The following DAB1 variants were observed in gnomAD, a reference collection of about 807,000 sequenced individuals.
The protein encoded by DAB1 is disabled homolog 1.
A neutral mutation model predicts 64.6 loss-of-function variants in DAB1; 15 were observed. That is an observed-to-expected ratio of 0.23 (90% CI 0.16 to 0.36). The LOEUF is 0.36. Ranked by LOEUF, DAB1 falls within the 10% of genes least tolerant of loss-of-function variation. The probability of loss-of-function intolerance (pLI) is 1.00; values close to 1 mark genes in which losing one functional copy is unlikely to be tolerated. For missense variants in DAB1, 596 were observed against 706.7 expected, an observed-to-expected ratio of 0.84 and a Z score of 1.78; for synonymous variants, 235 against 251.9, an observed-to-expected ratio of 0.93 and a Z score of 0.64.
chr1:57,333,183 T>A (rs370294811), intron 1 of DAB1, among the ~76,000 whole-genome samples: 21 of 152,224 alleles, frequency 1.4e-4, no homozygotes, highest in Non-Finnish European at 4.4e-5. Flanking sequence ...GGCTGGAATG[T>A]AAGCCTCTTA....
rs1348514434 is a variant in DAB1, at chr1:58,211,196, A to G, written n.310-60608T>C. Among the ~76,000 whole-genome samples, 7 of 152,282 alleles carry G rather than the reference A, an allele frequency of 4.6e-5. No homozygotes were observed. In the East Asian group the frequency reaches 5.8e-4, roughly 13 times the overall value. The stretch of plus-strand genomic sequence containing the variant: ...TGTCTTAAGAGCCATCTCTACATCA[A>G]GATTTATCTTGAAAAAGAAATATCT... On this transcript the variant is annotated intron_variant and non_coding_transcript_variant, in intron 4 of 20. Coordinates refer to the DAB1 transcript ENST00000485760.
chr1:57,491,369 A>G (rs1340860408), intron 7 of DAB1, among the ~76,000 whole-genome samples: 1 of 152,160 alleles, frequency 6.6e-6, no homozygotes, highest in Non-Finnish European at 1.5e-5. Flanking sequence ...CGGAGCTTGC[A>G]GTGAGCCGAG....
At chr1:57,514,488 A>T (rs1644441977) in intron 7 of DAB1, among the ~76,000 whole-genome samples, 1 of 152,192 alleles carries the variant, frequency 6.6e-6, no homozygotes, top group African/African-American at 2.4e-5. Context: ...CTAAACTAGA[A>T]TGTAAGCTTC....
intron 6 of DAB1, among the ~76,000 whole-genome samples, chr1:57,665,849 CTGTG>C (rs397862533): frequency 0.087 from 11,900 of 137,088 alleles, 817 homozygotes; most frequent in African/African-American, 0.21. Flanking sequence ...TTTTAATTAT[CTGTG>C]TGTGTGTGTG....
rs77698191 is a variant in DAB1, at chr1:57,782,020, C to T, written n.551+101979G>A. Among the ~76,000 whole-genome samples the T allele has an allele frequency of 2.2e-3, 331 of 152,236 alleles. 1 individual carries two copies. Among genetic ancestry groups the T allele is most frequent in the African/African-American group, 7.2e-3 (298 of 41,548 alleles). Reference sequence around the variant, plus strand: ...AACATTAATTCACTAATTCTACACACGGCAAAGCAATGATAATTAAGCCTA... The same window carrying T: ...AACATTAATTCACTAATTCTACACATGGCAAAGCAATGATAATTAAGCCTA... On this transcript the variant is annotated intron_variant and non_coding_transcript_variant, in intron 6 of 20. Coordinates refer to the DAB1 transcript ENST00000485760.
intron 1 of DAB1, among the ~76,000 whole-genome samples, chr1:57,841,070 C>T (rs1019092995): frequency 1.3e-5 from 2 of 152,138 alleles, no homozygotes; most frequent in Non-Finnish European, 2.9e-5. Context: ...AATGGGGGTA[C>T]AGGAATTGGG....
At chr1:58,157,377 C>T (rs1271451476) in intron 4 of DAB1, among the ~76,000 whole-genome samples, 2 of 152,110 alleles carry the variant, frequency 1.3e-5, no homozygotes, top group African/African-American at 4.8e-5. Flanking sequence ...TGTGTGATAA[C>T]ATTATAATTT....
At chr1:57,465,671 T>C (rs1202642299) in intron 7 of DAB1, among the ~76,000 whole-genome samples, 7 of 152,230 alleles carry the variant, frequency 4.6e-5, no homozygotes, top group Admixed American at 2.6e-4. Flanking sequence ...CATTTTGTTT[T>C]GTGTCAAAAC....
intron 5 of DAB1, among the ~76,000 whole-genome samples, chr1:57,898,884 G>A (rs538986438): frequency 2.2e-4 from 33 of 152,132 alleles, no homozygotes; most frequent in Non-Finnish European, 4.4e-4. Context: ...GTGTATGCGC[G>A]TGCACACATG....
intron 7 of DAB1, among the ~76,000 whole-genome samples, chr1:57,438,645 A>G (rs1450337978): frequency 6.6e-6 from 1 of 152,176 alleles, no homozygotes; most frequent in African/African-American, 2.4e-5. Context: ...GTCACAGCCC[A>G]TGACATCTGT....
chr1:58,225,478 T>C (rs377052048), intron 4 of DAB1, among the ~76,000 whole-genome samples: 2 of 151,484 alleles, frequency 1.3e-5, no homozygotes, highest in African/African-American at 4.9e-5. Context: ...ACCCAAAGGA[T>C]TATAAATCAT....
intron 6 of DAB1, among the ~76,000 whole-genome samples, chr1:57,683,253 T>C (rs1646657567): frequency 6.6e-6 from 1 of 152,058 alleles, no homozygotes; most frequent in African/African-American, 2.4e-5. Flanking sequence ...AAGAACGTGG[T>C]CTATCTCCCT....
intron 4 of DAB1, among the ~76,000 whole-genome samples, chr1:58,223,379 A>G (rs905274424): frequency 2.0e-5 from 3 of 152,172 alleles, no homozygotes; most frequent in African/African-American, 4.8e-5. Context: ...TGATGAAAGA[A>G]CGCCAGCCTT....
chr1:57,107,472 G>C (rs1264469275), intron 4 of DAB1, among the ~76,000 whole-genome samples: 2 of 151,586 alleles, frequency 1.3e-5, no homozygotes, highest in Non-Finnish European at 2.9e-5. Flanking sequence ...GGTTTTAGGG[G>C]AACATAGAGA....
intron 4 of DAB1, among the ~76,000 whole-genome samples, chr1:58,275,228 T>C (rs969659169): frequency 7.9e-5 from 12 of 152,124 alleles, no homozygotes; most frequent in African/African-American, 2.9e-4. Flanking sequence ...TATAAAACTT[T>C]CAAAAGAAAA....
chr1:57,754,127 C>T (rs1648682004), intron 6 of DAB1, among the ~76,000 whole-genome samples: 1 of 152,110 alleles, frequency 6.6e-6, no homozygotes, highest in South Asian at 2.1e-4. Flanking sequence ...AAATTGCAAA[C>T]TGGAGAAAAG....
chr1:57,852,632 C>T (rs1653581577), intron 1 of DAB1, among the ~76,000 whole-genome samples: 1 of 152,040 alleles, frequency 6.6e-6, no homozygotes, highest in South Asian at 2.1e-4. Flanking sequence ...ATGTGACACA[C>T]ATTGATAAGC....
intron 4 of DAB1, among the ~76,000 whole-genome samples, chr1:57,130,683 C>T (rs1176882724): frequency 4.0e-5 from 5 of 123,718 alleles, no homozygotes; most frequent in East Asian, 2.8e-4. Context: ...CATGATCTCA[C>T]TTATATGCTG....
chr1:58,134,379 A>G (rs1176045573), intron 5 of DAB1, among the ~76,000 whole-genome samples: 2 of 152,182 alleles, frequency 1.3e-5, no homozygotes. Flanking sequence ...TGAGGAAAGA[A>G]CCTTTGTCAT....
Sources: allele counts gnomAD v4.1 joint callset (sites outside exome capture counted in the v4.1 genomes callset), GRCh38; gene constraint gnomAD v4.1.1; transcripts MANE v1.5; gene names NCBI Gene and HGNC (gene_info 2026-07-23, HGNC 2026-07-21).